The following YES1 variants were observed in gnomAD, a reference collection of about 807,000 sequenced individuals.
The protein encoded by YES1 is YES proto-oncogene 1, Src family tyrosine kinase.
Under a neutral mutation model 70.4 loss-of-function variants are expected in YES1, and 39 were observed. That is an observed-to-expected ratio of 0.55 (90% CI 0.43 to 0.72). The LOEUF (loss-of-function observed/expected upper bound fraction) is 0.72. Ranked by LOEUF, YES1 falls within the 30% of genes least tolerant of loss-of-function variation. The pLI is 0.00. For synonymous variants in YES1, 198 were observed against 218.6 expected (o/e 0.91, Z 0.83); for missense variants, 495 against 644.8 (o/e 0.77, Z 2.52).
intron 1 of YES1, among the ~76,000 whole-genome samples, chr18:780,105 G>A (rs1340890432): frequency 6.6e-6 from 1 of 151,888 alleles, no homozygotes; most frequent in Non-Finnish European, 1.5e-5. Flanking sequence ...GCTGTGGCAC[G>A]CACCTGCTAC....
intron 1 of YES1, among the ~76,000 whole-genome samples, chr18:782,134 C>T (rs1357078087): frequency 6.6e-6 from 1 of 152,202 alleles, no homozygotes; most frequent in Non-Finnish European, 1.5e-5. Context: ...TCTCCTTCAC[C>T]ACCTCCATGT....
At chr18:747,836 T>C in intron 4 of YES1, 84 bp downstream of exon 4, 2 of 1,190,436 alleles carry the variant, frequency 1.7e-6, no homozygotes, top group Non-Finnish European at 2.5e-6. Flanking sequence ...TAATTCTGTG[T>C]GTGTAAAGTT....
At chr18:761,603 C>T (rs1598914693) in intron 1 of YES1, among the ~76,000 whole-genome samples, 1 of 152,274 alleles carries the variant, frequency 6.6e-6, no homozygotes, top group African/African-American at 2.4e-5. Context: ...TTTCTCCTCA[C>T]CCTATCAAGT....
At position 756,478 on chromosome 18, in the gene YES1, A is replaced by C. The variant is rs1284271331; in HGVS notation, c.271+79T>G. On this transcript the variant is annotated intron_variant, in intron 2 of 11. Coordinates refer to ENST00000314574, the MANE Select transcript of YES1 (RefSeq NM_005433.4). ...GTCCTCAAGTAAGATATCTTTCTTA[A>C]AGGCAGACAAGCCTTAAGTATATAT... The C allele has an allele frequency of 9.9e-6, 15 of 1,519,674 alleles. No homozygotes were observed. The South Asian group carries it at 1.7e-4, about 18-fold the overall frequency. The allele number at this position is 1,519,674 out of a possible 1,614,324, so 94.1% of individuals were successfully genotyped here.
chr18:733,031 T>A (rs1032533358), intron 10 of YES1, 66 bp from the exon 11 acceptor site: 11 of 1,518,566 alleles, frequency 7.2e-6, no homozygotes, highest in Non-Finnish European at 1.0e-5. Context: ...ACATAGCATA[T>A]GCAGGGCTAA....
chr18:794,950 G>A (rs550262247), intron 1 of YES1, among the ~76,000 whole-genome samples: 9 of 152,248 alleles, frequency 5.9e-5, no homozygotes, highest in East Asian at 3.9e-4. Flanking sequence ...CAAGTTGCTC[G>A]AACTACAGGC....
chr18:747,976 C>T lies in YES1; in HGVS notation c.414G>A (p.Lys138=), dbSNP rs1187206077. The T allele has an allele frequency of 6.2e-7, 1 of 1,613,920 alleles. No homozygotes were observed. The highest frequency in any genetic ancestry group is 8.5e-7 in the Non-Finnish European group (1 of 1,179,970). Residue 138 remains lysine (K), a synonymous_variant, in exon 4 of 12, where the codon AAG becomes AAA. Transcript: ENST00000314574. ...CATAATTGCTCGGGATATAACCATTCTTTCCTGTAGCGATTGATCTTGCTT... is the reference window on the plus strand; with the variant it reads ...CATAATTGCTCGGGATATAACCATTTTTTCCTGTAGCGATTGATCTTGCTT... ...WWEARSIATG[K]NGYIPSNYVA...
At position 729,359 on chromosome 18, in the gene YES1, G is replaced by A. The variant is rs528069027; in HGVS notation, c.1423+3475C>T. Among the ~76,000 whole-genome samples the A allele has an allele frequency of 5.6e-3, 850 of 151,996 alleles. 4 individuals are homozygous for A. Among genetic ancestry groups the A allele is most frequent in the Non-Finnish European group, 9.4e-3 (641 of 67,968 alleles). ...GAACCTGGGAGGCGGAGGCTGCAGT[G>A]AACCAAGATCGTGCCACTGTACTCC... On this transcript the variant is annotated intron_variant, in intron 11 of 11. Transcript: ENST00000314574.
chr18:734,965 G>A lies in YES1; in HGVS notation c.1291+1843C>T, dbSNP rs376745038. Among the ~76,000 whole-genome samples, 9 of 152,056 alleles carry A rather than the reference G, an allele frequency of 5.9e-5. No homozygotes were observed. In the South Asian group the frequency reaches 6.2e-4, roughly 11 times the overall value. On this transcript the variant is annotated intron_variant, in intron 10 of 11. Transcript: ENST00000314574. ...CTGAGGTCAGGAGTTTGAGACCAGCGTGGCCAACATGGTGAAACCGTGTCT... is the reference window on the plus strand; with the variant it reads ...CTGAGGTCAGGAGTTTGAGACCAGCATGGCCAACATGGTGAAACCGTGTCT...
chr18:761,949 G>A (rs1264902338), intron 1 of YES1, among the ~76,000 whole-genome samples: 3 of 152,260 alleles, frequency 2.0e-5, no homozygotes, highest in Non-Finnish European at 4.4e-5. Flanking sequence ...AACTTTGGGA[G>A]GCCAAGATGG....
chr18:765,885 G>A (rs1483833398), intron 1 of YES1, among the ~76,000 whole-genome samples: 1 of 152,146 alleles, frequency 6.6e-6, no homozygotes, highest in Non-Finnish European at 1.5e-5. Context: ...ACATCATGAA[G>A]ACAAAAGCGA....
chr18:804,540 G>A (rs960655077), intron 1 of YES1, among the ~76,000 whole-genome samples: 1 of 145,132 alleles, frequency 6.9e-6, no homozygotes, highest in African/African-American at 2.6e-5. Flanking sequence ...AACCCGGGAG[G>A]CAGAGGTTGC....
At chr18:797,195 T>C (rs3915753) in intron 1 of YES1, among the ~76,000 whole-genome samples, 95,881 of 151,914 alleles carry the variant, frequency 0.63, 31,537 homozygotes, top group African/African-American at 0.83. Flanking sequence ...GTAAAACTGG[T>C]AAAGATTATG....
At position 756,712 on chromosome 18, in the gene YES1, A is replaced by G. The variant is rs2080411883; in HGVS notation, c.116T>C (p.Val39Ala). ...VSHYGAEPTT[V>A]SPCPSSSAKG... is the part of the protein sequence containing the mutation. ...TGCTGAAGATGACGGACATGGTGAC[A>G]CTGTAGTGGGTTCTGCTCCATAATG... Residue 39 changes from valine to alanine, a missense_variant, in exon 2 of 12, where the codon GTG (valine) becomes GCG (alanine). Transcript: ENST00000314574. 1 of 1,614,082 alleles carries G rather than the reference A, an allele frequency of 6.2e-7. No individual in the cohort carries two copies. The highest frequency in any genetic ancestry group is 1.1e-5 in the South Asian group (1 of 91,088).
intron 2 of YES1, among the ~76,000 whole-genome samples, chr18:755,802 C>T (rs1187696866): frequency 6.6e-6 from 1 of 152,162 alleles, no homozygotes; most frequent in African/African-American, 2.4e-5. Context: ...AATCCTGAAA[C>T]TCACTCTACC....
chr18:766,668 C>T (rs1447953112), intron 1 of YES1, among the ~76,000 whole-genome samples: 1 of 152,030 alleles, frequency 6.6e-6, no homozygotes, highest in Non-Finnish European at 1.5e-5. Flanking sequence ...CTAATGACTA[C>T]ACCTTATTTT....
chr18:736,232 G>T, intron 10 of YES1: 1 of 152,492 alleles, frequency 6.6e-6, no homozygotes, highest in Non-Finnish European at 1.5e-5. Context: ...GGAGGTAACT[G>T]TACAGAAGTA....
intron 1 of YES1, among the ~76,000 whole-genome samples, chr18:757,297 A>G (rs997028320): frequency 6.6e-6 from 1 of 151,462 alleles, no homozygotes; most frequent in Non-Finnish European, 1.5e-5. Context: ...AGGTCAGGAG[A>G]TTGAGACCAT....
intron 1 of YES1, among the ~76,000 whole-genome samples, chr18:803,846 C>G (rs1906947771): frequency 6.6e-6 from 1 of 152,136 alleles, no homozygotes; most frequent in Admixed American, 6.5e-5. Context: ...GATAATCAGT[C>G]AGAAAATATT....
Sources: gnomAD v4.1 joint callset for allele counts (sites outside exome capture counted in the v4.1 genomes callset) on GRCh38, gnomAD v4.1.1 for gene constraint, MANE v1.5 for transcripts, NCBI Gene and HGNC (gene_info 2026-07-23, HGNC 2026-07-21) for gene names.